The following CFAP65 variants were observed in gnomAD, a reference collection of about 807,000 sequenced individuals.
CFAP65 encodes the protein cilia and flagella associated protein 65.
A neutral mutation model predicts 208.0 loss-of-function variants in CFAP65; 155 were observed. The observed-to-expected ratio is 0.75, with a 90% CI of 0.65 to 0.85. CFAP65 has a LOEUF of 0.85. CFAP65 is among the 40% of genes least tolerant of loss of function. The probability of loss-of-function intolerance (pLI) is 0.00; values close to 1 mark genes in which losing one functional copy is unlikely to be tolerated. For missense variants in CFAP65, 2,294 were observed against 2,451.3 expected, an observed-to-expected ratio of 0.94 and a Z score of 1.36; for synonymous variants, 970 against 986.3, an observed-to-expected ratio of 0.98 and a Z score of 0.31.
Position 219,003,942 on chromosome 2 carries a change from G to C in CFAP65, c.5555+10C>G, listed in dbSNP as rs571029384. ...CTCCCTCCCGTCCTCACTGGGGCCT[G>C]GCTGCTCACCTTCTGATGGCCTCCT... On this transcript the variant is annotated intron_variant, in intron 33 of 34. Coordinates refer to ENST00000341552, the MANE Select transcript of CFAP65 (RefSeq NM_194302.4). The surrounding 1 kb of genome is among the most constrained non-coding windows in gnomAD (Gnocchi z 4.4). 8.1e-6 allele frequency: 13 copies of C among 1,605,358 alleles called. No individual in the cohort carries two copies. In the African/African-American group the frequency reaches 1.7e-4, roughly 21 times the overall value.
chr2:219,010,888 G>C lies in CFAP65; in HGVS notation c.4066C>G (p.Leu1356Val). ...KNFDHPIFCCLNPKGEIQPGS... is the reference protein window; with the variant it reads ...KNFDHPIFCCVNPKGEIQPGS... Reference sequence around the variant, plus strand: ...GGCTGGATCTCCCCTTTGGGGTTGAGGCAGCAAAAGATGGGGTGATCAAAA... The same window carrying C: ...GGCTGGATCTCCCCTTTGGGGTTGACGCAGCAAAAGATGGGGTGATCAAAA... Residue 1356 changes from leucine (L) to valine (V), a missense_variant, in exon 25 of 35, where the codon CTC (leucine) becomes GTC (valine). Physicochemically the swap from Leu to Val is conservative, Grantham distance 32. This residue lies in a region of CFAP65 where 1,427 missense variants were observed against 1,438.7 expected (regional missense o/e 0.99). Coordinates refer to ENST00000341552, the MANE Select transcript of CFAP65 (RefSeq NM_194302.4). The C allele has an allele frequency of 6.2e-7, 1 of 1,613,852 alleles. No individual in the cohort carries two copies. The highest frequency in any genetic ancestry group is 8.5e-7 in the Non-Finnish European group (1 of 1,180,012).
intron 32 of CFAP65, among the ~76,000 whole-genome samples, chr2:219,005,038 CT>C (rs1180645823): frequency 6.6e-6 from 1 of 150,418 alleles, no homozygotes; most frequent in African/African-American, 2.5e-5. Flanking sequence ...TGAAAAAAAG[CT>C]CTGTCTCCCA....
At chr2:219,018,718 G>A (rs927044918) in intron 21 of CFAP65, 2 of 297,122 alleles carry the variant, frequency 6.7e-6, no homozygotes, top group Non-Finnish European at 1.3e-5. Flanking sequence ...CAGGATTGGA[G>A]GAGAAAAGAC....
rs111232379 is a variant in CFAP65, at chr2:219,022,521, G to A, written c.2821-192C>T. Among the ~76,000 whole-genome samples, 255 of 152,344 alleles carry A rather than the reference G, an allele frequency of 1.7e-3. 1 individual carries two copies. The highest frequency in any genetic ancestry group is 5.7e-3 in the African/African-American group (238 of 41,580). On this transcript the variant is annotated intron_variant, in intron 16 of 34. Transcript: ENST00000341552. ...TCAATCCTATATCCCCACGGGGTCA[G>A]TAGTATTATTTCCATGCCTCATTTT...
At chr2:219,026,695 C>A in intron 13 of CFAP65, 1 of 702,814 alleles carries the variant, frequency 1.4e-6, no homozygotes, top group East Asian at 1.3e-4. Context: ...ACTCACGGCA[C>A]GTCTCAATTG....
chr2:219,012,460 T>C (rs530817361), intron 24 of CFAP65, among the ~76,000 whole-genome samples: 196 of 152,264 alleles, frequency 1.3e-3, no homozygotes, highest in African/African-American at 4.5e-3. Flanking sequence ...GTGAACAGAG[T>C]TGGGGATAGG....
rs746450385 is a variant in CFAP65 at position 219,035,548 on chromosome 2, T to C, written c.474A>G (p.Leu158=). The C allele has an allele frequency of 1.2e-6, 2 of 1,614,174 alleles. No individual in the cohort carries two copies. The highest frequency in any genetic ancestry group is 1.7e-6 in the Non-Finnish European group (2 of 1,180,026). The change falls in exon 5 of 35, where the codon CTA becomes CTG. Residue 158 remains leucine (L), a synonymous_variant. Transcript: ENST00000341552. ...CCAGATTCCTTGTGGTCTCCTTTCC[T>C]AGCTCCCAGCCTTTCCAATGCAGCT... is the stretch of plus-strand genomic sequence containing the variant. ...AEELHWKGWE[L]GKETTRNLVL...
At chr2:219,009,513 G>T in intron 27 of CFAP65, 53 bp from the exon 28 acceptor site, 3 of 1,225,332 alleles carry the variant, frequency 2.4e-6, no homozygotes, top group Non-Finnish European at 3.6e-6. Context: ...GAATTGGATA[G>T]GATGGCACGG....
At chr2:219,021,110 A>AT in intron 19 of CFAP65, 42 bp downstream of exon 19, 1 of 1,462,764 alleles carries the variant, frequency 6.8e-7, no homozygotes, top group Non-Finnish European at 9.1e-7. Context: ...TTCATCCTGC[A>AT]TTTCCCCGGC....
At chr2:219,005,744 C>T (rs1054708525) in intron 31 of CFAP65, among the ~76,000 whole-genome samples, 182 bp from the exon 32 acceptor site, 2 of 152,118 alleles carry the variant, frequency 1.3e-5, no homozygotes, top group Non-Finnish European at 2.9e-5. Flanking sequence ...AGAGTTAGCA[C>T]GGGAGCTAGA....
intron 20 of CFAP65, 91 bp from the exon 21 acceptor site, chr2:219,019,270 C>T: frequency 6.8e-7 from 1 of 1,469,772 alleles, no homozygotes; most frequent in Admixed American, 2.2e-5. Context: ...TCCCCTCCCT[C>T]CAAGTGGGAA....
chr2:219,021,536 G>A (rs1378127308), intron 18 of CFAP65, among the ~76,000 whole-genome samples: 2 of 152,168 alleles, frequency 1.3e-5, no homozygotes, highest in East Asian at 1.9e-4. Context: ...TTTAACAGAT[G>A]AGGAAGCTGA....
At position 219,019,087 on chromosome 2, in the gene CFAP65, A is replaced by G. The variant is rs750666415; in HGVS notation, c.3566T>C (p.Leu1189Pro). The change falls in exon 21 of 35, where the codon CTG becomes CCG. Residue 1189 changes from leucine (L) to proline (P), a missense_variant. By Grantham distance (98) the Leu-to-Pro change is moderately conservative. Transcript: ENST00000341552. ...CACCACTCCGCTGTTCTTCAGGGCC[A>G]GGAATACCACGGAAGGTGGGGCCTT... is the stretch of plus-strand genomic sequence containing the variant. ...PFKAPPSVVF[L>P]ALKNSGVVSL... The G allele has an allele frequency of 6.2e-7, 1 of 1,614,252 alleles. No homozygotes were observed. Among genetic ancestry groups the G allele is most frequent in the Admixed American group, 1.7e-5 (1 of 60,028 alleles).
chr2:219,035,361 C>T (rs1443103017), intron 5 of CFAP65, 119 bp downstream of exon 5: 1 of 1,585,754 alleles, frequency 6.3e-7, no homozygotes, highest in Admixed American at 1.8e-5. Context: ...TTTAAACACT[C>T]ACTGGCTTTT....
At chr2:219,024,812 T>C (rs1947525953) in intron 14 of CFAP65, among the ~76,000 whole-genome samples, 1 of 152,182 alleles carries the variant, frequency 6.6e-6, no homozygotes, top group Non-Finnish European at 1.5e-5. Context: ...GGCGTGCATC[T>C]GTAATCTCAG....
Position 219,032,653 on chromosome 2 carries a change from C to A in CFAP65, c.543-81G>T. 1 of 1,262,404 alleles carries A rather than the reference C, an allele frequency of 7.9e-7. No homozygotes were observed. Among genetic ancestry groups the A allele is most frequent in the South Asian group, 1.4e-5 (1 of 73,972 alleles). 78.2% of individuals were successfully genotyped at this position (1,262,404 alleles called of 1,614,324 possible). A position where few individuals can be genotyped will look rare whatever the true frequency, so the allele number is the denominator to read the frequency against. On this transcript the variant is annotated intron_variant, in intron 5 of 34. Coordinates refer to ENST00000341552, the MANE Select transcript of CFAP65 (RefSeq NM_194302.4). This position sits in a 1 kb window ranked among gnomAD's most constrained non-coding sequence, Gnocchi z 5.5. ...GAGGCAGGAAACGAGGGAAGCCCTGCAGCCAAGGGAGCTTGAGTCCCTGGG... is the reference window on the plus strand; with the variant it reads ...GAGGCAGGAAACGAGGGAAGCCCTGAAGCCAAGGGAGCTTGAGTCCCTGGG...
At chr2:219,024,679 G>A (rs1328190021) in intron 14 of CFAP65, among the ~76,000 whole-genome samples, 4 of 152,228 alleles carry the variant, frequency 2.6e-5, no homozygotes, top group African/African-American at 7.2e-5. Context: ...GCTCCTGCCT[G>A]TAATCCCAGC....
Position 219,002,943 on chromosome 2 carries a change from A to G in CFAP65, c.5772T>C (p.Leu1924=). ...AGAGGCTGGGCGCGGGCATTTACGG[A>G]AGGTCGGTAGGAAGTGGCACCACCG... ...LHPVVPLPTD[L]P is the part of the protein sequence containing the mutation. The change falls in exon 35 of 35, where the codon CTT becomes CTC. Residue 1924 remains leucine, a synonymous_variant. Coordinates refer to ENST00000341552, the MANE Select transcript of CFAP65 (RefSeq NM_194302.4). The surrounding 1 kb of genome is among the most constrained non-coding windows in gnomAD (Gnocchi z 7.9). 1 of 1,565,574 alleles carries G rather than the reference A, an allele frequency of 6.4e-7. No individual in the cohort carries two copies. Among genetic ancestry groups the G allele is most frequent in the Non-Finnish European group, 8.7e-7 (1 of 1,154,704 alleles).
chr2:219,035,044 A>ATCTC, intron 5 of CFAP65: 2 of 313,992 alleles, frequency 6.4e-6, no homozygotes, highest in South Asian at 1.0e-4. Context: ...AGGTGGAGCA[A>ATCTC]GGTGGTGGAA....
Sources: gnomAD v4.1 joint callset for allele counts (sites outside exome capture counted in the v4.1 genomes callset) on GRCh38, gnomAD v4.1.1 for gene constraint, gnomAD v4.1.1 regional missense constraint, Gnocchi (gnomAD v3.1) non-coding constraint, MANE v1.5 for transcripts, NCBI Gene and HGNC (gene_info 2026-07-23, HGNC 2026-07-21) for gene names.